The following EXD3 variants were observed in gnomAD, a reference collection of about 807,000 sequenced individuals.
EXD3 encodes exonuclease mut-7 homolog.
In EXD3, 92 loss-of-function variants were observed where a neutral mutation model predicts 98.0. The ratio of observed to expected loss-of-function variants is 0.94; its 90% CI spans 0.79 to 1.12. The LOEUF (loss-of-function observed/expected upper bound fraction) is 1.12. Among genes scored for constraint, EXD3 ranks in the 50% most tolerant of loss-of-function variants. EXD3 has a pLI of 0.00. For synonymous variants in EXD3, 569 were observed against 526.0 expected (o/e 1.08, Z -1.12); for missense variants, 1,222 against 1,191.6 (o/e 1.03, Z -0.38).
At chr9:137,318,805 C>T (rs560308407) in intron 19 of EXD3, among the ~76,000 whole-genome samples, 8 of 152,296 alleles carry the variant, frequency 5.3e-5, no homozygotes, top group African/African-American at 1.9e-4. Flanking sequence ...GGAGTCCCAC[C>T]GCCTGGGGTC....
intron 1 of EXD3, among the ~76,000 whole-genome samples, chr9:137,406,277 AG>A (rs1352661453): frequency 6.6e-6 from 1 of 151,656 alleles, no homozygotes; most frequent in East Asian, 1.9e-4. Context: ...AGAAAATAAA[AG>A]GCAAGGAAAA....
In EXD3 at chr9:137,385,742, C is replaced by T. The variant is rs185722504; in HGVS notation, c.56-2365G>A. ...AGAGACGGGTTTTCACCATGTTGGC[C>T]AGGCTGGTCTTGAACTCCTGAGCTC... On this transcript the variant is annotated intron_variant, in intron 2 of 21. Transcript: ENST00000340951. The surrounding 1 kb of genome is among the most constrained non-coding windows in gnomAD (Gnocchi z 4.4). Among the ~76,000 whole-genome samples, 3 of 152,146 alleles carry T rather than the reference C, an allele frequency of 2.0e-5. No individual in the cohort carries two copies. The highest frequency in any genetic ancestry group is 4.4e-5 in the Non-Finnish European group (3 of 68,010).
In EXD3 at chr9:137,368,096, C is replaced by T. The variant is rs549095330; in HGVS notation, c.463-107G>A. 4.6e-5 allele frequency: 42 copies of T among 921,094 alleles called. No homozygotes were observed. The East Asian group carries it at 6.9e-4, about 15-fold the overall frequency. 57.1% of individuals were successfully genotyped at this position (921,094 alleles called of 1,614,324 possible). ...TGCACCAGCACCTGGTCACTGAGGC[C>T]GGAGTGCAGGGCCTTCCCGTGTTCA... On this transcript the variant is annotated intron_variant, in intron 5 of 21. Transcript: ENST00000340951.
chr9:137,370,726 G>C, intron 5 of EXD3, among the ~76,000 whole-genome samples: 1 of 151,172 alleles, frequency 6.6e-6, no homozygotes, highest in East Asian at 1.9e-4. Flanking sequence ...GCCCAGGCTC[G>C]AAGGCCGAGG....
intron 1 of EXD3, among the ~76,000 whole-genome samples, chr9:137,414,169 G>T (rs1445487254): frequency 6.6e-6 from 1 of 151,852 alleles, no homozygotes; most frequent in Non-Finnish European, 1.5e-5. Context: ...CACCTCCCTT[G>T]GCCTCCCAAA....
chr9:137,311,553 G>T (rs894674717), intron 19 of EXD3, among the ~76,000 whole-genome samples: 12 of 152,338 alleles, frequency 7.9e-5, no homozygotes, highest in African/African-American at 2.9e-4. Context: ...GGCGGGGCCA[G>T]CCAGCTCGTG....
chr9:137,352,274 G>A lies in EXD3; in HGVS notation c.1038-73C>T, dbSNP rs1834346931. ...CCACTCTGACCTCGGAGCAGGAGGG[G>A]AGCATTCAGGGCCTGTTTGGTGGGG... On this transcript the variant is annotated intron_variant, in intron 11 of 21. Transcript: ENST00000340951. 9.4e-6 allele frequency: 15 copies of A among 1,588,852 alleles called. No homozygotes were observed. In the South Asian group the frequency reaches 1.2e-4, roughly 13 times the overall value.
In EXD3 at chr9:137,354,850, C is replaced by T. The variant is rs372559462; in HGVS notation, c.758-77G>A. On this transcript the variant is annotated intron_variant, in intron 8 of 21. Coordinates refer to ENST00000340951, the MANE Select transcript of EXD3 (RefSeq NM_017820.5). The stretch of plus-strand genomic sequence containing the variant: ...GCCTCCTTCTGGGGCGGGCTGGAGA[C>T]GGGCAGAGGGGCTGCGCCTGCCCCT... 7.9e-4 allele frequency: 1,124 copies of T among 1,424,388 alleles called. 3 individuals are homozygous for T. The Middle Eastern group carries it at 9.4e-3, about 12-fold the overall frequency. The allele number at this position is 1,424,388 out of a possible 1,614,324, so 88.2% of individuals were successfully genotyped here. A position where few individuals can be genotyped will look rare whatever the true frequency, so the allele number is the denominator to read the frequency against.
chr9:137,308,031 A>AGGGTGGGC (rs942061880), intron 20 of EXD3, among the ~76,000 whole-genome samples: 1 of 2,122 alleles, frequency 4.7e-4, no homozygotes, highest in African/African-American at 3.2e-3. Flanking sequence ...AGCCAGCACA[A>AGGGTGGGC]GGGTGGGCGG....
intron 13 of EXD3, 60 bp downstream of exon 13, chr9:137,351,258 G>A: frequency 6.4e-7 from 1 of 1,556,676 alleles, no homozygotes; most frequent in Non-Finnish European, 8.7e-7. Context: ...GGAAGGGTCA[G>A]GCAGGGGTGC....
chr9:137,392,449 C>A (rs1047432494), intron 2 of EXD3: 1 of 172,038 alleles, frequency 5.8e-6, no homozygotes, highest in Admixed American at 5.5e-5. Context: ...CAGGGTGGCA[C>A]GGACAGGTGT....
chr9:137,333,530 G>C (rs927241967), intron 17 of EXD3, among the ~76,000 whole-genome samples: 6 of 152,186 alleles, frequency 3.9e-5, no homozygotes, highest in South Asian at 4.1e-4. Flanking sequence ...TGGAGGTGGG[G>C]CCTGGCCTGG....
chr9:137,335,208 A>G (rs1833292004), intron 17 of EXD3, among the ~76,000 whole-genome samples: 2 of 152,240 alleles, frequency 1.3e-5, no homozygotes, highest in South Asian at 2.1e-4. Context: ...TCCGCAAGAA[A>G]AAAACAAAGA....
At chr9:137,374,048 G>A (rs954684914) in intron 3 of EXD3, among the ~76,000 whole-genome samples, 3 of 152,372 alleles carry the variant, frequency 2.0e-5, no homozygotes, top group East Asian at 1.9e-4. Context: ...TTTGGGAAAC[G>A]GATAAGAGGT....
intron 17 of EXD3, among the ~76,000 whole-genome samples, chr9:137,334,659 C>T (rs1833262151): frequency 6.6e-6 from 1 of 152,144 alleles, no homozygotes; most frequent in South Asian, 2.1e-4. Context: ...AGCTCTTCTG[C>T]ACATTGGCTT....
At chr9:137,326,582 C>T (rs76659135) in intron 17 of EXD3, among the ~76,000 whole-genome samples, 3,115 of 152,174 alleles carry the variant, frequency 0.02, 105 homozygotes, top group East Asian at 0.16. Flanking sequence ...CAAAGATATA[C>T]GCGTGGCCAA....
At chr9:137,355,671 GGGAGGAT>G (rs1432051678) in intron 8 of EXD3, among the ~76,000 whole-genome samples, 222 of 18,980 alleles carry the variant, frequency 0.012, no homozygotes, top group Non-Finnish European at 0.015. Context: ...GAAGGAGAAA[GGGAGGAT>G]GGAGGAAGGA....
intron 3 of EXD3, chr9:137,374,390 G>A (rs990175366): frequency 4.6e-5 from 11 of 237,164 alleles, no homozygotes; most frequent in Non-Finnish European, 7.5e-5. Context: ...CGCCCCCAGA[G>A]GCCCAGGGAG....
intron 3 of EXD3, among the ~76,000 whole-genome samples, chr9:137,376,111 G>A (rs1357369598): frequency 6.6e-6 from 1 of 151,948 alleles, no homozygotes; most frequent in Non-Finnish European, 1.5e-5. Context: ...TTGGGAGGCT[G>A]AGGCGGGCAG....
Sources: allele counts gnomAD v4.1 joint callset (sites outside exome capture counted in the v4.1 genomes callset), GRCh38; gene constraint gnomAD v4.1.1; non-coding constraint Gnocchi (gnomAD v3.1); transcripts MANE v1.5; gene names NCBI Gene and HGNC (gene_info 2026-07-23, HGNC 2026-07-21).